The following SETBP1 variants were observed in gnomAD, a reference collection of about 807,000 sequenced individuals.
SETBP1 encodes the protein SET-binding protein.
A neutral mutation model predicts 101.0 loss-of-function variants in SETBP1; 9 were observed. The ratio of observed to expected loss-of-function variants is 0.09; its 90% CI spans 0.05 to 0.16. The LOEUF (loss-of-function observed/expected upper bound fraction) is 0.16, where lower values mean the gene tolerates loss of function less well. Ranked by LOEUF, SETBP1 falls within the 10% of genes least tolerant of loss-of-function variation. The probability of loss-of-function intolerance (pLI) is 1.00; values close to 1 mark genes in which losing one functional copy is unlikely to be tolerated. For missense variants in SETBP1, 1,858 were observed against 2,033.8 expected (o/e 0.91, Z 1.66); for synonymous variants, 818 against 788.5 (o/e 1.04, Z -0.63).
intron 2 of SETBP1, among the ~76,000 whole-genome samples, chr18:44,762,840 G>A (rs1358302940): frequency 2.0e-5 from 3 of 152,176 alleles, no homozygotes; most frequent in African/African-American, 7.2e-5. Context: ...CTATTGACTT[G>A]CTTTTAGCTC....
intron 4 of SETBP1, among the ~76,000 whole-genome samples, chr18:44,972,510 A>C (rs1228387751): frequency 3.9e-5 from 6 of 152,194 alleles, no homozygotes; most frequent in Non-Finnish European, 5.9e-5. Context: ...ACCCATGAGC[A>C]TGGAATGTTC....
intron 4 of SETBP1, among the ~76,000 whole-genome samples, chr18:44,995,525 G>T (rs1286366506): frequency 7.4e-6 from 1 of 134,732 alleles, no homozygotes; most frequent in East Asian, 2.2e-4. Flanking sequence ...ACATGTCCAG[G>T]CTTTTGTGTG....
intron 3 of SETBP1, among the ~76,000 whole-genome samples, chr18:44,898,015 G>A (rs1219241925): frequency 6.6e-6 from 1 of 152,008 alleles, no homozygotes; most frequent in East Asian, 1.9e-4. Flanking sequence ...AGGTGTGTAT[G>A]GTAATTGTTG....
intron 2 of SETBP1, among the ~76,000 whole-genome samples, chr18:44,713,068 C>T (rs1467417042): frequency 6.6e-6 from 1 of 151,368 alleles, no homozygotes; most frequent in East Asian, 2.0e-4. Context: ...AGGCCATTCT[C>T]CTGCCTCAGC....
intron 2 of SETBP1, among the ~76,000 whole-genome samples, chr18:44,737,135 C>T (rs2069986622): frequency 6.6e-6 from 1 of 152,178 alleles, no homozygotes; most frequent in African/African-American, 2.4e-5. Context: ...GCAAGTGGCT[C>T]AGTTGGAACT....
In SETBP1 at chr18:44,952,456, G is replaced by A; in HGVS notation, c.3116G>A (p.Ser1039Asn). The change falls in exon 4 of 6, where the codon AGC becomes AAC. Residue 1039 changes from serine to asparagine, a missense_variant. Transcript: ENST00000649279. ...AAGGTGCCTTTTTTACAAGGGTTCAGCTACCCTATTCCCAGTGGAAGTTAC... is the reference window on the plus strand; with the variant it reads ...AAGGTGCCTTTTTTACAAGGGTTCAACTACCCTATTCCCAGTGGAAGTTAC... ...MTKVPFLQGF[S>N]YPIPSGSYYA... 3.1e-6 allele frequency: 5 copies of A among 1,614,108 alleles called. No homozygotes were observed. The South Asian group carries it at 4.4e-5, about 14-fold the overall frequency.
rs557818516 is a variant in SETBP1 at position 44,768,517 on chromosome 18, A to G, written c.486+66685A>G. 5.3e-5 allele frequency among the ~76,000 whole-genome samples: 8 copies of G among 152,264 alleles called. No homozygotes were observed. In the South Asian group the frequency reaches 1.7e-3, roughly 32 times the overall value. Reference sequence around the variant, plus strand: ...TTAATGTTTCTCTACTTTTGGAGGAATTGGGTTGGTTACAATACAAGTTGT... The same window carrying G: ...TTAATGTTTCTCTACTTTTGGAGGAGTTGGGTTGGTTACAATACAAGTTGT... On this transcript the variant is annotated intron_variant, in intron 2 of 5. Transcript: ENST00000649279.
chr18:44,910,317 G>T (rs1236989093), intron 3 of SETBP1, among the ~76,000 whole-genome samples: 1 of 152,238 alleles, frequency 6.6e-6, no homozygotes, highest in African/African-American at 2.4e-5. Flanking sequence ...TGGCGAAGGG[G>T]TGAGCGGAGG....
chr18:44,862,757 G>A (rs191003935), intron 2 of SETBP1, among the ~76,000 whole-genome samples: 2 of 152,326 alleles, frequency 1.3e-5, no homozygotes, highest in East Asian at 3.9e-4. Flanking sequence ...CTTCCACAAA[G>A]TGTAAACAAG....
chr18:45,032,342 A>G (rs1436752305), intron 4 of SETBP1, among the ~76,000 whole-genome samples: 1 of 152,152 alleles, frequency 6.6e-6, no homozygotes, highest in African/African-American at 2.4e-5. Context: ...CTTCTAAACC[A>G]TCTCTGTGAA....
chr18:44,995,529 T>TTG (rs60256060), intron 4 of SETBP1, among the ~76,000 whole-genome samples: 19,112 of 142,732 alleles, frequency 0.13, 1,270 homozygotes, highest in African/African-American at 0.16. Flanking sequence ...GTCCAGGCTT[T>TTG]TGTGTGTGTG....
intron 3 of SETBP1, among the ~76,000 whole-genome samples, chr18:44,889,536 T>G (rs1385373104): frequency 1.3e-5 from 2 of 152,140 alleles, no homozygotes; most frequent in Non-Finnish European, 2.9e-5. Context: ...TCTAGGGAGC[T>G]CAGAGCGTTG....
chr18:44,890,977 G>A (rs2069755234), intron 3 of SETBP1, among the ~76,000 whole-genome samples: 1 of 152,060 alleles, frequency 6.6e-6, no homozygotes, highest in Non-Finnish European at 1.5e-5. Flanking sequence ...CCATTCTACT[G>A]ATAAAGACAT....
chr18:44,699,556 C>T (rs755741301), intron 1 of SETBP1, among the ~76,000 whole-genome samples: 3 of 152,210 alleles, frequency 2.0e-5, no homozygotes, highest in Non-Finnish European at 4.4e-5. Flanking sequence ...AGACTTTGTC[C>T]ATCTTGTAGC....
At chr18:44,896,008 A>T (rs1466214970) in intron 3 of SETBP1, among the ~76,000 whole-genome samples, 3 of 152,108 alleles carry the variant, frequency 2.0e-5, no homozygotes, top group African/African-American at 7.2e-5. Context: ...TAGGAGCATG[A>T]TCACTCCCTC....
At chr18:44,927,442 G>A (rs1568220693) in intron 3 of SETBP1, among the ~76,000 whole-genome samples, 1 of 152,168 alleles carries the variant, frequency 6.6e-6, no homozygotes, top group Non-Finnish European at 1.5e-5. Flanking sequence ...AATATACAAT[G>A]TCTAGCTTTT....
At chr18:44,853,789 G>T (rs982910189) in intron 2 of SETBP1, among the ~76,000 whole-genome samples, 3 of 152,274 alleles carry the variant, frequency 2.0e-5, no homozygotes, top group African/African-American at 4.8e-5. Context: ...ATTATAAACT[G>T]CAGGGGCTCT....
At chr18:44,758,048 T>C (rs182702532) in intron 2 of SETBP1, among the ~76,000 whole-genome samples, 1 of 152,152 alleles carries the variant, frequency 6.6e-6, no homozygotes, top group Non-Finnish European at 1.5e-5. Flanking sequence ...TGGAGGACTC[T>C]CTTATCAGGA....
rs2069702110 is a variant in SETBP1 at position 44,888,645 on chromosome 18, T to A, written c.540+19362T>A. ...ACCTCTCTATTATGTGAATCCTCTG[T>A]GTGGCCTTATATGAGCAGTGACTGT... On this transcript the variant is annotated intron_variant, in intron 3 of 5. Transcript: ENST00000649279. Among the ~76,000 whole-genome samples the A allele has an allele frequency of 5.9e-5, 9 of 152,274 alleles. No individual in the cohort carries two copies. The South Asian group carries it at 1.9e-3, about 32-fold the overall frequency.
Sources: gnomAD v4.1 joint callset for allele counts (sites outside exome capture counted in the v4.1 genomes callset) on GRCh38, gnomAD v4.1.1 for gene constraint, MANE v1.5 for transcripts, NCBI Gene and HGNC (gene_info 2026-07-23, HGNC 2026-07-21) for gene names.